The following APOL6 variants were observed in gnomAD, a reference collection of about 807,000 sequenced individuals.
APOL6 encodes the protein apolipoprotein L, 6.
In APOL6, 1 loss-of-function variant was observed where a neutral mutation model predicts 2.4. The observed-to-expected ratio is 0.41, with a 90% CI of 0.15 to 1.94. The LOEUF is 1.94. Ranked by LOEUF, APOL6 falls within the 30% of genes most tolerant of loss-of-function variation. The pLI is 0.30. For missense variants in APOL6, 438 were observed against 429.2 expected (o/e 1.02, Z -0.18); for synonymous variants, 189 against 169.3 (o/e 1.12, Z -0.90).
intron 2 of APOL6, among the ~76,000 whole-genome samples, 173 bp from the exon 3 acceptor site, chr22:35,658,442 C>A (rs557398223): frequency 6.6e-6 from 1 of 152,178 alleles, no homozygotes; most frequent in African/African-American, 2.4e-5. Context: ...TCCATGGAAC[C>A]AGTAGTTTTC....
rs1245359062 is a variant in APOL6 at position 35,659,434 on chromosome 22, G to A, written c.870G>A (p.Lys290=). The part of the protein sequence containing the change: ...RKLTELTQLY[K]SLQQKVRSRA... ...TCACAGAACTCACCCAGCTCTACAA[G>A]AGCTTGCAGCAGAAAGTGAGGTCAA... The change falls in exon 3 of 3, where the codon AAG becomes AAA. Residue 290 remains lysine, a synonymous_variant. Coordinates refer to ENST00000409652, the MANE Select transcript of APOL6 (RefSeq NM_030641.4). The A allele has an allele frequency of 6.2e-7, 1 of 1,614,106 alleles. No individual in the cohort carries two copies. The highest frequency in any genetic ancestry group is 1.3e-5 in the African/African-American group (1 of 75,008).
At chr22:35,653,124 G>A (rs377103170) in intron 1 of APOL6, among the ~76,000 whole-genome samples, 9,592 of 151,018 alleles carry the variant, frequency 0.064, 367 homozygotes, top group Non-Finnish European at 0.091. Context: ...TCCCTTGTAA[G>A]TTGGATTCCT....
rs541818070 is a variant in APOL6 at position 35,658,061 on chromosome 22, C to T, written c.51-554C>T. Among the ~76,000 whole-genome samples the T allele has an allele frequency of 3.3e-5, 5 of 152,202 alleles. 1 individual carries two copies. In the East Asian group the frequency reaches 9.7e-4, roughly 29 times the overall value. On this transcript the variant is annotated intron_variant, in intron 2 of 2. Transcript: ENST00000409652. ...TATCTCAACTCTCAATGTGCAACTCCTGATAGAAGCAAAGACACACCCCAG... is the reference window on the plus strand; with the variant it reads ...TATCTCAACTCTCAATGTGCAACTCTTGATAGAAGCAAAGACACACCCCAG...
chr22:35,648,931 GGGACCT>G (rs1924617224), intron 1 of APOL6, among the ~76,000 whole-genome samples: 1 of 152,206 alleles, frequency 6.6e-6, no homozygotes, highest in Non-Finnish European at 1.5e-5. Flanking sequence ...TTAGGCAGAG[GGGACCT>G]GGCCCTTAGA....
rs754497563 is a variant in APOL6 at position 35,659,538 on chromosome 22, G to A, written c.974G>A (p.Trp325Ter). 7.4e-6 allele frequency: 12 copies of A among 1,613,926 alleles called. No homozygotes were observed. The Admixed American group carries it at 8.3e-5, about 11-fold the overall frequency. Residue 325 changes from tryptophan (W) to a stop codon, truncating the protein, a stop_gained, in exon 3 of 3, where the codon TGG becomes TAG. Coordinates refer to ENST00000409652, the MANE Select transcript of APOL6 (RefSeq NM_030641.4). LOFTEE classifies it low-confidence loss of function (END_TRUNC). ...TGGAAGGAGTTAAGGGAGCATGTGT[G>A]GATGTGGCTGTGGCTGTGTGTGTGT... Reference protein sequence around the residue: ...AYWKELREHVWMWLWLCVCLC... With the variant: ...AYWKELREHV
Position 35,659,116 on chromosome 22 carries a change from C to A in APOL6, c.552C>A (p.Asn184Lys). ...ACACCTTGAAGTATGCCAAGAAAAA[C>A]GTCCGTGCATTTTGGAAACTCAGAG... Reference protein sequence around the residue: ...LRNTLKYAKKNVRAFWKLRAN... With the variant: ...LRNTLKYAKKKVRAFWKLRAN... The change falls in exon 3 of 3, where the codon AAC becomes AAA. Residue 184 changes from asparagine (N) to lysine (K), a missense_variant. By Grantham distance (94) the Asn-to-Lys change is moderately conservative (BLOSUM62 0). Transcript: ENST00000409652. 6.2e-7 allele frequency: 1 copy of A among 1,614,152 alleles called. No individual in the cohort carries two copies.
At chr22:35,655,033 G>T (rs1924807238) in intron 1 of APOL6, among the ~76,000 whole-genome samples, 1 of 151,948 alleles carries the variant, frequency 6.6e-6, no homozygotes. Flanking sequence ...CTATTTATTT[G>T]TCTACCCACA....
At chr22:35,651,313 G>A (rs1827333083) in intron 1 of APOL6, among the ~76,000 whole-genome samples, 3 of 152,150 alleles carry the variant, frequency 2.0e-5, no homozygotes, top group Admixed American at 2.0e-4. Context: ...TGCAGCCTCG[G>A]TGGCTTCTGA....
intron 1 of APOL6, among the ~76,000 whole-genome samples, chr22:35,653,684 C>T (rs1424602080): frequency 6.6e-6 from 1 of 152,118 alleles, no homozygotes; most frequent in African/African-American, 2.4e-5. Context: ...ACCCTCAATA[C>T]TCACACCAAT....
chr22:35,651,706 G>C (rs1278666321), intron 1 of APOL6, among the ~76,000 whole-genome samples: 1 of 152,142 alleles, frequency 6.6e-6, no homozygotes, highest in Non-Finnish European at 1.5e-5. Flanking sequence ...CTTCATCCAT[G>C]TCCCTACAAA....
In APOL6 at chr22:35,658,965, A is replaced by T. The variant is rs1924929268; in HGVS notation, c.401A>T (p.Lys134Ile). ...GTGAGTGGTACGTTGGAACGCTCCA[A>T]AAATAAAGAAGCCCAAGCACGGGCG... ...SIVSGTLERS[K>I]NKEAQARAED... The change falls in exon 3 of 3, where the codon AAA becomes ATA. Residue 134 changes from lysine to isoleucine, a missense_variant. Coordinates refer to ENST00000409652, the MANE Select transcript of APOL6 (RefSeq NM_030641.4). 1.2e-6 allele frequency: 2 copies of T among 1,613,948 alleles called. No homozygotes were observed. Among genetic ancestry groups the T allele is most frequent in the Non-Finnish European group, 1.7e-6 (2 of 1,180,020 alleles).
intron 1 of APOL6, 66 bp from the exon 2 acceptor site, chr22:35,656,313 C>T: frequency 7.9e-7 from 1 of 1,264,256 alleles, no homozygotes; most frequent in Non-Finnish European, 1.2e-6. Context: ...AAAATCCCTC[C>T]ACACCTGAAT....
In APOL6 at chr22:35,659,116, C is replaced by G; in HGVS notation, c.552C>G (p.Asn184Lys). ...LRNTLKYAKK[N>K]VRAFWKLRAN... ...ACACCTTGAAGTATGCCAAGAAAAA[C>G]GTCCGTGCATTTTGGAAACTCAGAG... Residue 184 changes from asparagine (N) to lysine (K), a missense_variant, in exon 3 of 3, where the codon AAC becomes AAG. Physicochemically the swap from Asn to Lys is moderately conservative, Grantham distance 94. Transcript: ENST00000409652. 4 of 1,614,152 alleles carry G rather than the reference C, an allele frequency of 2.5e-6. No homozygotes were observed. The highest frequency in any genetic ancestry group is 3.4e-6 in the Non-Finnish European group (4 of 1,180,040).
chr22:35,651,742 G>A (rs916376780), intron 1 of APOL6, among the ~76,000 whole-genome samples: 37 of 152,230 alleles, frequency 2.4e-4, no homozygotes, highest in Admixed American at 1.6e-3. Context: ...CTTTTTTATG[G>A]CTGCATAGTA....
At chr22:35,649,489 G>T (rs1459624159) in intron 1 of APOL6, among the ~76,000 whole-genome samples, 1 of 151,468 alleles carries the variant, frequency 6.6e-6, no homozygotes, top group Non-Finnish European at 1.5e-5. Flanking sequence ...TGTTTTCAAA[G>T]TAAGCAGATT....
intron 1 of APOL6, 35 bp from the exon 2 acceptor site, chr22:35,656,344 G>A: frequency 1.3e-6 from 2 of 1,503,926 alleles, no homozygotes; most frequent in Admixed American, 1.7e-5. Flanking sequence ...TTCATCATAT[G>A]TGCAGTAACG....
At chr22:35,652,697 A>G (rs1247363313) in intron 1 of APOL6, among the ~76,000 whole-genome samples, 1 of 152,206 alleles carries the variant, frequency 6.6e-6, no homozygotes, top group Non-Finnish European at 1.5e-5. Context: ...GTCAAAGATC[A>G]GATAGTTGTA....
rs1925025225 is a variant in APOL6 at position 35,661,411 on chromosome 22, TG to T, written c.*1816del. The T allele has an allele frequency of 6.7e-6, 1 of 149,002 alleles. No individual in the cohort carries two copies. The highest frequency in any genetic ancestry group is 2.5e-5 in the African/African-American group (1 of 40,364). 9.2% of individuals were successfully genotyped at this position (149,002 alleles called of 1,614,324 possible). On this transcript the variant is annotated 3_prime_UTR_variant, in exon 3 of 3. Coordinates refer to ENST00000409652, the MANE Select transcript of APOL6 (RefSeq NM_030641.4). ...AAGAATACAGTCATGTATCTCTTGGTGACAGGGACGCATTCTGATAAATGTG... is the reference window on the plus strand; with the variant it reads ...AAGAATACAGTCATGTATCTCTTGGTACAGGGACGCATTCTGATAAATGTG...
Position 35,658,664 on chromosome 22 carries a change from G to A in APOL6, c.100G>A (p.Asp34Asn). The change falls in exon 3 of 3, where the codon GAT becomes AAT. Residue 34 changes from aspartate (D) to asparagine (N), a missense_variant. Transcript: ENST00000409652. The stretch of plus-strand genomic sequence containing the variant: ...TGAAGACGTGGAGCTACAAGACGGA[G>A]ATCTGTCCCCCGAAGAAAAAATATT... ...LCEDVELQDG[D>N]LSPEEKIFLR... is the part of the protein sequence containing the mutation. 1 of 1,614,078 alleles carries A rather than the reference G, an allele frequency of 6.2e-7. No individual in the cohort carries two copies. Among genetic ancestry groups the A allele is most frequent in the Non-Finnish European group, 8.5e-7 (1 of 1,180,014 alleles).
Sources: gnomAD v4.1 joint callset for allele counts (sites outside exome capture counted in the v4.1 genomes callset) on GRCh38, gnomAD v4.1.1 for gene constraint, MANE v1.5 for transcripts, NCBI Gene and HGNC (gene_info 2026-07-23, HGNC 2026-07-21) for gene names.